The following ARAP2 variants were observed in gnomAD, a reference collection of about 807,000 sequenced individuals.
ARAP2 encodes arf-GAP with Rho-GAP domain, ANK repeat and PH domain-containing protein 2.
ARAP2 carries 148 observed loss-of-function variants against 194.5 expected under a neutral mutation model. That is an observed-to-expected ratio of 0.76 (90% CI 0.67 to 0.87). ARAP2 has a LOEUF of 0.87. Ranked by LOEUF, ARAP2 falls within the 40% of genes least tolerant of loss-of-function variation. ARAP2 has a pLI of 0.00. For missense variants in ARAP2, 2,128 were observed against 1,989.7 expected, an observed-to-expected ratio of 1.07 and a Z score of -1.32; for synonymous variants, 695 against 683.5, an observed-to-expected ratio of 1.02 and a Z score of -0.26.
At chr4:36,182,410 T>C (rs992125300) in intron 8 of ARAP2, among the ~76,000 whole-genome samples, 2 of 152,078 alleles carry the variant, frequency 1.3e-5, no homozygotes, top group Non-Finnish European at 2.9e-5. Context: ...GAGAATCGCT[T>C]GCTTGAACCA....
intron 2 of ARAP2, among the ~76,000 whole-genome samples, chr4:36,223,742 C>T (rs533133952): frequency 2.0e-5 from 3 of 152,000 alleles, no homozygotes; most frequent in Admixed American, 2.0e-4. Context: ...TCTCTCTCAG[C>T]CCAGGAACAA....
downstream of ARAP2, chr4:36,065,497 G>A: frequency 3.2e-6 from 1 of 315,078 alleles, no homozygotes; most frequent in Non-Finnish European, 6.6e-6. Context: ...TAGAAATGGG[G>A]ACAGCATCTT....
At chr4:36,205,301 A>T (rs977830779) in intron 6 of ARAP2, among the ~76,000 whole-genome samples, 2 of 151,150 alleles carry the variant, frequency 1.3e-5, no homozygotes, top group South Asian at 2.1e-4. Context: ...CTGAAAAGTT[A>T]AAAAAAAATC....
intron 31 of ARAP2, among the ~76,000 whole-genome samples, chr4:36,078,114 CTATTTTA>C (rs1728662411): frequency 6.6e-6 from 1 of 152,152 alleles, no homozygotes; most frequent in African/African-American, 2.4e-5. Context: ...ACCCTATTTC[CTATTTTA>C]GAAATACTAA....
intron 5 of ARAP2, among the ~76,000 whole-genome samples, chr4:36,034,812 T>C (rs1156459455): frequency 2.0e-5 from 3 of 152,298 alleles, no homozygotes; most frequent in African/African-American, 7.2e-5. Flanking sequence ...ATGTTGAATG[T>C]TATCGAAAAC....
chr4:36,203,376 G>A (rs1257169969), intron 6 of ARAP2, among the ~76,000 whole-genome samples: 1 of 151,980 alleles, frequency 6.6e-6, no homozygotes, highest in South Asian at 2.1e-4. Context: ...CTGAGGTCAG[G>A]AGATCAAGAC....
intron 23 of ARAP2, among the ~76,000 whole-genome samples, chr4:36,120,266 AGAG>A (rs1722364327): frequency 6.6e-6 from 1 of 151,644 alleles, no homozygotes; most frequent in Admixed American, 6.6e-5. Flanking sequence ...AAAGAAGTAA[AGAG>A]GAGATCAAAG....
intron 2 of ARAP2, among the ~76,000 whole-genome samples, chr4:36,056,152 A>G (rs1204087994): frequency 6.6e-6 from 1 of 152,218 alleles, no homozygotes; most frequent in Admixed American, 6.5e-5. Context: ...TCAATATAAA[A>G]CTATAATAAT....
rs377084495 is a variant in ARAP2 at position 36,060,273 on chromosome 4, A to G, written n.148-2130T>C. 2.3e-4 allele frequency among the ~76,000 whole-genome samples: 35 copies of G among 152,298 alleles called. 1 individual carries two copies. The highest frequency in any genetic ancestry group is 8.2e-4 in the African/African-American group (34 of 41,578). ...TATCAGATGTTATGAAAGATAGGGC[A>G]TCGTTGCTGGAAGAGTGGCCTTGAT... On this transcript the variant is annotated intron_variant and non_coding_transcript_variant, in intron 1 of 12. Transcript: ENST00000503225.
At chr4:36,026,771 G>A (rs1717985917) in intron 5 of ARAP2, among the ~76,000 whole-genome samples, 1 of 152,310 alleles carries the variant, frequency 6.6e-6, no homozygotes, top group East Asian at 1.9e-4. Context: ...GGTGCCTCTC[G>A]GGACAGATGC....
chr4:36,156,431 GAAAGAAAGAAAGAGAA>G (rs1362574182), intron 15 of ARAP2, among the ~76,000 whole-genome samples: 2,884 of 20,964 alleles, frequency 0.14, 75 homozygotes, highest in Middle Eastern at 0.23. Context: ...AAGAAAGAAA[GAAAGAAAGAAAGAGAA>G]AGAAAGAAAG....
chr4:36,035,684 TC>T (rs1422838562), intron 5 of ARAP2, among the ~76,000 whole-genome samples: 2 of 152,130 alleles, frequency 1.3e-5, no homozygotes, highest in African/African-American at 2.4e-5. Context: ...ATCAATTTGT[TC>T]ATCAATACAT....
intron 25 of ARAP2, among the ~76,000 whole-genome samples, chr4:36,116,394 G>T (rs1560463445): frequency 6.6e-6 from 1 of 151,766 alleles, no homozygotes; most frequent in Non-Finnish European, 1.5e-5. Flanking sequence ...ACCAAATAGC[G>T]ACCTGAAATA....
At chr4:36,145,317 G>T (rs140325941) in intron 19 of ARAP2, among the ~76,000 whole-genome samples, 1 of 151,992 alleles carries the variant, frequency 6.6e-6, no homozygotes, top group East Asian at 1.9e-4. Context: ...GGAAAATGTC[G>T]TCATATATAC....
chr4:36,178,067 G>T, intron 8 of ARAP2, 62 bp from the exon 9 acceptor site: 1 of 1,430,726 alleles, frequency 7.0e-7, no homozygotes, highest in South Asian at 1.4e-5. Context: ...ACACAGAAAC[G>T]TCAAGAAGAA....
In ARAP2 at chr4:36,172,580, T is replaced by C. The variant is rs1453409968; in HGVS notation, c.1857+5247A>G. On this transcript the variant is annotated intron_variant, in intron 9 of 32. Transcript: ENST00000303965. ...CCAAGATACTGAAACGGGTTATTCT[T>C]ATGAATTTGCAGCAACAGGACCTGG... is the stretch of plus-strand genomic sequence containing the variant. Among the ~76,000 whole-genome samples, 3 of 152,188 alleles carry C rather than the reference T, an allele frequency of 2.0e-5. No individual in the cohort carries two copies. The South Asian group carries it at 6.2e-4, about 31-fold the overall frequency.
chr4:36,122,586 T>C (rs1722922322), intron 22 of ARAP2, among the ~76,000 whole-genome samples: 1 of 151,258 alleles, frequency 6.6e-6, no homozygotes, highest in Non-Finnish European at 1.5e-5. Context: ...GCAAACAACA[T>C]ACACTGGGGC....
chr4:36,154,461 T>C (rs1474620285), intron 15 of ARAP2, among the ~76,000 whole-genome samples: 4 of 151,938 alleles, frequency 2.6e-5, no homozygotes, highest in Non-Finnish European at 4.4e-5. Context: ...TTTTTGAAAA[T>C]CAAATACTAT....
At chr4:36,030,966 C>A (rs1718848889) in intron 5 of ARAP2, among the ~76,000 whole-genome samples, 1 of 152,152 alleles carries the variant, frequency 6.6e-6, no homozygotes, top group East Asian at 1.9e-4. Flanking sequence ...CCTGTCTCTA[C>A]TAAAAATACA....
Sources: gnomAD v4.1 joint callset for allele counts (sites outside exome capture counted in the v4.1 genomes callset) on GRCh38, gnomAD v4.1.1 for gene constraint, MANE v1.5 for transcripts, NCBI Gene and HGNC (gene_info 2026-07-23, HGNC 2026-07-21) for gene names.